Variants in EYA4 observed in about 807,000 individuals in gnomAD.
The protein encoded by EYA4 is protein phosphatase EYA4.
A neutral mutation model predicts 87.9 loss-of-function variants in EYA4; 31 were observed. The observed-to-expected ratio is 0.35, with a 90% CI of 0.27 to 0.48. EYA4 has a LOEUF of 0.48. Ranked by LOEUF, EYA4 falls within the 20% of genes least tolerant of loss-of-function variation. EYA4 has a pLI of 0.99. For synonymous variants in EYA4, 263 were observed against 270.6 expected, an observed-to-expected ratio of 0.97 and a Z score of 0.28; for missense variants, 678 against 761.4, an observed-to-expected ratio of 0.89 and a Z score of 1.29.
intron 1 of EYA4, chr6:133,248,449 G>A (rs1256206395): frequency 6.6e-6 from 1 of 152,092 alleles, no homozygotes; most frequent in African/African-American, 2.4e-5. Flanking sequence ...TTATGCACAA[G>A]GTCATATATA....
At chr6:133,308,502 A>G (rs574975393) in intron 2 of EYA4, among the ~76,000 whole-genome samples, 3 of 152,320 alleles carry the variant, frequency 2.0e-5, no homozygotes, top group South Asian at 4.1e-4. Context: ...GGTAGTAGGC[A>G]TAGTACTGTA....
intron 8 of EYA4, 26 bp downstream of exon 8, chr6:133,462,503 T>G: frequency 6.2e-7 from 1 of 1,613,926 alleles, no homozygotes; most frequent in Middle Eastern, 1.7e-4. Flanking sequence ...TGTTTTCTTC[T>G]TTGGTTATAG....
rs576313726 is a variant in EYA4 at position 133,518,246 on chromosome 6, A to G, written c.1616+2811A>G. On this transcript the variant is annotated intron_variant, in intron 17 of 19. Transcript: ENST00000355286. ...TTAGATTATATATACTATATAATAT[A>G]TACAGATTAATTATTAAACAGATGG... Among the ~76,000 whole-genome samples, 25 of 151,964 alleles carry G rather than the reference A, an allele frequency of 1.6e-4. 1 individual carries two copies. The highest frequency in any genetic ancestry group is 5.5e-4 in the African/African-American group (23 of 41,504).
intron 6 of EYA4, among the ~76,000 whole-genome samples, chr6:133,457,185 G>A (rs1020752766): frequency 3.9e-5 from 6 of 152,120 alleles, no homozygotes; most frequent in African/African-American, 9.7e-5. Context: ...CTCTGAGAGC[G>A]CTCGAATGCT....
chr6:133,400,382 C>T (rs1039335405), intron 3 of EYA4, among the ~76,000 whole-genome samples: 1 of 151,950 alleles, frequency 6.6e-6, no homozygotes, highest in African/African-American at 2.4e-5. Flanking sequence ...GTGGCGCACG[C>T]CTGTAATCCC....
At chr6:133,349,439 A>G (rs1030663455) in intron 2 of EYA4, among the ~76,000 whole-genome samples, 6 of 152,226 alleles carry the variant, frequency 3.9e-5, no homozygotes, top group Admixed American at 3.3e-4. Flanking sequence ...AGTCCTTGAC[A>G]CATATTATGC....
chr6:133,480,045 G>C (rs1288239338), intron 11 of EYA4, among the ~76,000 whole-genome samples: 1 of 152,160 alleles, frequency 6.6e-6, no homozygotes, highest in African/African-American at 2.4e-5. Flanking sequence ...GTTTATATGT[G>C]AGTCATCACA....
At chr6:133,324,329 C>A (rs1781326044) in intron 2 of EYA4, among the ~76,000 whole-genome samples, 3 of 152,048 alleles carry the variant, frequency 2.0e-5, no homozygotes, top group Admixed American at 6.6e-5. Context: ...TCCATTTAAG[C>A]TCCTGTAATT....
rs57845656 is a variant in EYA4 at position 133,464,875 on chromosome 6, T to C, written c.804+17T>C. 3.0e-3 allele frequency: 4,740 copies of C among 1,558,206 alleles called. 112 individuals are homozygous for C. In the African/African-American group the frequency reaches 0.05, roughly 16 times the overall value. On this transcript the variant is annotated intron_variant, in intron 10 of 19. Coordinates refer to ENST00000355286, the MANE Select transcript of EYA4 (RefSeq NM_004100.5). The stretch of plus-strand genomic sequence containing the variant: ...TCACAACAGGTATAGTAGCTTTTTG[T>C]GTTTATGCTTTTTATATGTATTTCA...
At chr6:133,414,896 A>T (rs76532798) in intron 3 of EYA4, among the ~76,000 whole-genome samples, 4,189 of 152,292 alleles carry the variant, frequency 0.028, 97 homozygotes, top group Middle Eastern at 0.048. Context: ...TATGTCAGTT[A>T]TGGACTTTTA....
At chr6:133,479,966 A>G (rs1209025349) in intron 11 of EYA4, among the ~76,000 whole-genome samples, 1 of 152,220 alleles carries the variant, frequency 6.6e-6, no homozygotes, top group African/African-American at 2.4e-5. Flanking sequence ...TGGGACGTAC[A>G]GAAGTCAATT....
In EYA4 at chr6:133,512,986, T is replaced by G. The variant is rs1463268151; in HGVS notation, c.1449T>G (p.Phe483Leu). The G allele has an allele frequency of 6.2e-7, 1 of 1,614,154 alleles. No individual in the cohort carries two copies. The highest frequency in any genetic ancestry group is 8.5e-7 in the Non-Finnish European group (1 of 1,180,012). ...GGVDWMRKLA[F>L]RYRRVKELYN... ...TTGACTGGATGAGGAAGTTGGCTTT[T>G]CGTTACAGAAGAGTAAAAGAATTAT... The change falls in exon 16 of 20, where the codon TTT (phenylalanine) becomes TTG (leucine). Residue 483 changes from phenylalanine (F) to leucine (L), a missense_variant. Coordinates refer to ENST00000355286, the MANE Select transcript of EYA4 (RefSeq NM_004100.5).
At chr6:133,352,710 A>G (rs1783731168) in intron 2 of EYA4, among the ~76,000 whole-genome samples, 1 of 152,198 alleles carries the variant, frequency 6.6e-6, no homozygotes, top group African/African-American at 2.4e-5. Context: ...TATCCAGCTG[A>G]CTTAACTTAC....
At position 133,513,040 on chromosome 6, in the gene EYA4, T is replaced by TTTTTTCAATCTAAC. The variant is rs1562506178; in HGVS notation, c.1501+2_1501+3insTTTTTCAATCTAAC. 6.2e-7 allele frequency: 1 copy of TTTTTTCAATCTAAC among 1,613,572 alleles called. No individual in the cohort carries two copies. On this transcript the variant is annotated splice_region_variant and intron_variant, in intron 16 of 19. Coordinates refer to ENST00000355286, the MANE Select transcript of EYA4 (RefSeq NM_004100.5). The stretch of plus-strand genomic sequence containing the variant: ...ACACCTACAAGAACAACGTTGGAGG[T>TTTTTTCAATCTAAC]ATGTGTGGCTTTTTCAATCTAACAA...
chr6:133,385,549 C>T (rs73559670), intron 3 of EYA4, among the ~76,000 whole-genome samples: 23 of 151,770 alleles, frequency 1.5e-4, no homozygotes, highest in African/African-American at 1.9e-4. Flanking sequence ...ATACTGTATC[C>T]GCATAAAATG....
chr6:133,440,889 C>T (rs1254113791), intron 3 of EYA4, among the ~76,000 whole-genome samples: 1 of 152,114 alleles, frequency 6.6e-6, no homozygotes, highest in Non-Finnish European at 1.5e-5. Flanking sequence ...TCTCAGAAAT[C>T]ACATATAACT....
intron 2 of EYA4, among the ~76,000 whole-genome samples, chr6:133,354,307 A>G (rs975299532): frequency 6.6e-6 from 1 of 152,104 alleles, no homozygotes; most frequent in African/African-American, 2.4e-5. Context: ...AGGAGTGAAC[A>G]TACTACCAGT....
intron 1 of EYA4, among the ~76,000 whole-genome samples, chr6:133,261,243 G>A (rs1775775987): frequency 6.6e-6 from 1 of 152,178 alleles, no homozygotes; most frequent in African/African-American, 2.4e-5. Flanking sequence ...TGAAGTAGAT[G>A]TGTTGTTGCA....
chr6:133,400,701 C>G (rs918179170), intron 3 of EYA4, among the ~76,000 whole-genome samples: 1 of 146,454 alleles, frequency 6.8e-6, no homozygotes, highest in Admixed American at 7.2e-5. Flanking sequence ...TATTGATTAC[C>G]TTATTTTTTT....
Sources: gnomAD v4.1 joint callset for allele counts (sites outside exome capture counted in the v4.1 genomes callset) on GRCh38, gnomAD v4.1.1 for gene constraint, MANE v1.5 for transcripts, NCBI Gene and HGNC (gene_info 2026-07-23, HGNC 2026-07-21) for gene names.